The following CHL1 variants were observed in gnomAD, a reference collection of about 807,000 sequenced individuals.
CHL1 encodes the protein cell adhesion molecule L1 like.
In CHL1, 96 loss-of-function variants were observed where a neutral mutation model predicts 141.9. The ratio of observed to expected loss-of-function variants is 0.68; its 90% confidence interval spans 0.57 to 0.80. The LOEUF is 0.80. CHL1 is among the 30% of genes least tolerant of loss of function. The pLI is 0.00. For synonymous variants in CHL1, 613 were observed against 502.2 expected (o/e 1.22, Z -2.95); for missense variants, 1,820 against 1,457.2 (o/e 1.25, Z -4.05).
At chr3:234,750 A>C (rs567601420) in intron 1 of CHL1, among the ~76,000 whole-genome samples, 1 of 152,098 alleles carries the variant, frequency 6.6e-6, no homozygotes, top group African/African-American at 2.4e-5. Context: ...ACAAGTTCCT[A>C]TTTTGGGGAC....
chr3:214,916 A>T (rs535805166), intron 1 of CHL1, among the ~76,000 whole-genome samples: 27 of 151,974 alleles, frequency 1.8e-4, no homozygotes, highest in Non-Finnish European at 3.7e-4. Flanking sequence ...TAATTTAGAG[A>T]TTATAAAGCT....
intron 1 of CHL1, among the ~76,000 whole-genome samples, chr3:242,409 A>G (rs560541701): frequency 3.6e-5 from 5 of 140,074 alleles, no homozygotes; most frequent in South Asian, 2.5e-4. Context: ...ATCCTGGCTA[A>G]CACGGTGAAA....
chr3:282,216 A>T (rs1696725831), intron 2 of CHL1, among the ~76,000 whole-genome samples: 1 of 152,210 alleles, frequency 6.6e-6, no homozygotes, highest in Admixed American at 6.5e-5. Flanking sequence ...TCTAGATCAG[A>T]TAAAAATTAA....
At chr3:297,108 C>T (rs2124865277) in intron 2 of CHL1, among the ~76,000 whole-genome samples, 1 of 152,196 alleles carries the variant, frequency 6.6e-6, no homozygotes, top group South Asian at 2.1e-4. Flanking sequence ...CACCTGTAGT[C>T]CCAGCTGCTC....
At chr3:387,299 C>T (rs1191044689) in intron 19 of CHL1, among the ~76,000 whole-genome samples, 1 of 152,218 alleles carries the variant, frequency 6.6e-6, no homozygotes, top group Non-Finnish European at 1.5e-5. Context: ...AAGACTCCTT[C>T]CTCGTGGGCT....
intron 2 of CHL1, among the ~76,000 whole-genome samples, chr3:283,024 T>C (rs1696804181): frequency 6.6e-6 from 1 of 152,222 alleles, no homozygotes; most frequent in African/African-American, 2.4e-5. Context: ...CTCTGATTGT[T>C]TCCTTGTATT....
In CHL1 at chr3:340,797, T is replaced by C. The variant is rs1358866497; in HGVS notation, c.389T>C (p.Val130Ala). 2 of 1,606,498 alleles carry C rather than the reference T, an allele frequency of 1.2e-6. No homozygotes were observed. Among genetic ancestry groups the C allele is most frequent in the East Asian group, 2.2e-5 (1 of 44,820 alleles). ...SEEIEFIVPS[V>A]PKFPKEKIDP... ...TTAAAATGATTTTTTACACCAGGTG[T>C]TCCAAAATTCCCAAAAGAAAAAATT... is the stretch of plus-strand genomic sequence containing the variant. The change falls in exon 6 of 28, where the codon GTT becomes GCT. Residue 130 changes from valine to alanine, a missense_variant. Transcript: ENST00000256509.
At chr3:296,495 T>C (rs969487007) in intron 2 of CHL1, among the ~76,000 whole-genome samples, 1 of 152,206 alleles carries the variant, frequency 6.6e-6, no homozygotes, top group African/African-American at 2.4e-5. Context: ...TTCATGAATT[T>C]AGAACCACGG....
intron 2 of CHL1, among the ~76,000 whole-genome samples, chr3:254,103 G>T (rs768248068): frequency 6.6e-6 from 1 of 152,206 alleles, no homozygotes; most frequent in African/African-American, 2.4e-5. Context: ...GATGTGTCCA[G>T]TAGCTAGCAC....
chr3:319,427 C>T (rs1037515580), intron 2 of CHL1, among the ~76,000 whole-genome samples: 1 of 151,672 alleles, frequency 6.6e-6, no homozygotes, highest in Non-Finnish European at 1.5e-5. Context: ...ATCATACCTT[C>T]CAAGTAAAAC....
At chr3:309,411 C>A (rs1283881307) in intron 2 of CHL1, 2 of 149,590 alleles carry the variant, frequency 1.3e-5, no homozygotes, top group Non-Finnish European at 3.0e-5. Flanking sequence ...TCCTTGCTTT[C>A]TCTCTTTTCT....
At chr3:232,195 A>T (rs918452952) in intron 1 of CHL1, among the ~76,000 whole-genome samples, 2 of 152,156 alleles carry the variant, frequency 1.3e-5, no homozygotes, top group Non-Finnish European at 2.9e-5. Context: ...TCATGATCTC[A>T]TTCTGTGTAT....
intron 2 of CHL1, among the ~76,000 whole-genome samples, chr3:259,741 G>A (rs904832893): frequency 1.3e-5 from 2 of 151,990 alleles, no homozygotes; most frequent in African/African-American, 2.4e-5. Context: ...TTGTCACAAC[G>A]AGTTTATTAA....
intron 2 of CHL1, among the ~76,000 whole-genome samples, chr3:313,353 T>G (rs1387296292): frequency 6.6e-6 from 1 of 152,216 alleles, no homozygotes; most frequent in East Asian, 1.9e-4. Context: ...GCTGCCTTTC[T>G]AAGCTGCTTT....
At chr3:334,632 G>T (rs747815496) in intron 5 of CHL1, among the ~76,000 whole-genome samples, 2 of 152,150 alleles carry the variant, frequency 1.3e-5, no homozygotes, top group Non-Finnish European at 2.9e-5. Flanking sequence ...TATTGCTGAA[G>T]AGTATTTCAC....
intron 1 of CHL1, among the ~76,000 whole-genome samples, chr3:237,167 G>T (rs574307583): frequency 7.2e-5 from 11 of 152,184 alleles, no homozygotes; most frequent in Non-Finnish European, 1.5e-4. Flanking sequence ...CTGGTGGGAG[G>T]TGATTGGATT....
At chr3:349,603 G>C in intron 10 of CHL1, 60 bp downstream of exon 10, 1 of 1,387,522 alleles carries the variant, frequency 7.2e-7, no homozygotes, top group Non-Finnish European at 1.0e-6. Context: ...TATACATGTA[G>C]TAGGCCTTGC....
At chr3:228,326 G>A (rs1043405626) in intron 1 of CHL1, among the ~76,000 whole-genome samples, 1 of 152,126 alleles carries the variant, frequency 6.6e-6, no homozygotes, top group African/African-American at 2.4e-5. Flanking sequence ...CGTCACCAAC[G>A]ACACCTTAAA....
intron 5 of CHL1, 141 bp from the exon 6 acceptor site, chr3:340,653 G>A (rs1288576357): frequency 1.5e-6 from 1 of 662,778 alleles, no homozygotes; most frequent in Non-Finnish European, 2.5e-6. Context: ...TAACTCTGAA[G>A]GGGAGATGTA....
Sources: gnomAD v4.1 joint callset for allele counts (sites outside exome capture counted in the v4.1 genomes callset) on GRCh38, gnomAD v4.1.1 for gene constraint, MANE v1.5 for transcripts, NCBI Gene and HGNC (gene_info 2026-07-23, HGNC 2026-07-21) for gene names.